The following RALGAPA1 variants were observed in gnomAD, a reference collection of about 807,000 sequenced individuals.
RALGAPA1 encodes the protein Ral GTPase activating protein catalytic subunit alpha 1.
Under a neutral mutation model 269.6 loss-of-function variants are expected in RALGAPA1, and 52 were observed. That is an observed-to-expected ratio of 0.19 (90% confidence interval 0.15 to 0.24). RALGAPA1 has a LOEUF of 0.24. Ranked by LOEUF, RALGAPA1 falls within the 10% of genes least tolerant of loss-of-function variation. The pLI is 1.00. For missense variants in RALGAPA1, 1,917 were observed against 3,013.9 expected (o/e 0.64, Z 8.52); for synonymous variants, 817 against 1,008.3 (o/e 0.81, Z 3.60).
At chr14:35,686,394 T>C in intron 19 of RALGAPA1, 148 bp downstream of exon 19, 1 of 567,850 alleles carries the variant, frequency 1.8e-6, no homozygotes, top group Non-Finnish European at 2.7e-6. Flanking sequence ...AATTCAAAAA[T>C]CTTAATTCAT....
At chr14:35,585,661 T>C (rs951565341) in intron 37 of RALGAPA1, among the ~76,000 whole-genome samples, 3 of 152,364 alleles carry the variant, frequency 2.0e-5, no homozygotes, top group Admixed American at 1.3e-4. Context: ...GTTTCAGCTT[T>C]CTACATATGG....
rs375837919 is a variant in RALGAPA1, at chr14:35,748,590, G to A, written c.1246C>T (p.Arg416Cys). 1.1e-5 allele frequency: 17 copies of A among 1,606,170 alleles called. No homozygotes were observed. Among genetic ancestry groups the A allele is most frequent in the Non-Finnish European group, 1.4e-5 (16 of 1,176,322 alleles). Residue 416 changes from arginine (R) to cysteine (C), a missense_variant, in exon 10 of 42, where the codon CGT (arginine) becomes TGT (cysteine). Transcript: ENST00000680220. ...AATACTGAGAGGTATGTTACCTGAC[G>A]AAATATCTCTGTCACAAAGTTTACA... ...SNVNFVTEIF[R>C]QAFLLPICEA...
chr14:35,540,979 G>T (rs1380361044), intron 41 of RALGAPA1, among the ~76,000 whole-genome samples: 1 of 151,512 alleles, frequency 6.6e-6, no homozygotes, highest in African/African-American at 2.4e-5. Flanking sequence ...GTTCAGTAAG[G>T]GGTGAAGATC....
chr14:35,588,652 G>A (rs1437769943), intron 37 of RALGAPA1, among the ~76,000 whole-genome samples: 1 of 152,156 alleles, frequency 6.6e-6, no homozygotes, highest in African/African-American at 2.4e-5. Context: ...CATAGGTAGT[G>A]GGAATTTAAA....
At chr14:35,686,252 CA>C (rs1317148036) in intron 19 of RALGAPA1, among the ~76,000 whole-genome samples, 14 of 151,242 alleles carry the variant, frequency 9.3e-5, no homozygotes, top group Admixed American at 2.6e-4. Context: ...CGAGCAAAGA[CA>C]AAAAAAGGGG....
intron 16 of RALGAPA1, among the ~76,000 whole-genome samples, chr14:35,705,787 C>T (rs1386509285): frequency 6.6e-6 from 1 of 152,152 alleles, no homozygotes; most frequent in Non-Finnish European, 1.5e-5. Context: ...AGTGAGAGTT[C>T]CCATTGCTAC....
chr14:35,705,616 C>T (rs2067736957), intron 16 of RALGAPA1, among the ~76,000 whole-genome samples: 1 of 152,062 alleles, frequency 6.6e-6, no homozygotes, highest in Non-Finnish European at 1.5e-5. Flanking sequence ...ACTAAAGCTG[C>T]TATAAATATT....
Position 35,608,840 on chromosome 14 carries a change from GA to G in RALGAPA1, c.6930-3132del, listed in dbSNP as rs1446996643. Among the ~76,000 whole-genome samples the G allele has an allele frequency of 5.3e-5, 8 of 152,186 alleles. No homozygotes were observed. In the East Asian group the frequency reaches 1.5e-3, roughly 29 times the overall value. On this transcript the variant is annotated intron_variant, in intron 35 of 41. Transcript: ENST00000680220. Reference sequence around the variant, plus strand: ...GACTTGAACAATAATATGACAACCGGACCTACCTGACATCTACAGAATACTC... The same window carrying G: ...GACTTGAACAATAATATGACAACCGGCCTACCTGACATCTACAGAATACTC...
intron 38 of RALGAPA1, 79 bp downstream of exon 38, chr14:35,572,481 T>C: frequency 2.6e-6 from 3 of 1,156,726 alleles, no homozygotes; most frequent in South Asian, 3.4e-5. Context: ...CCAAATTTTA[T>C]TCTGTAACAT....
At chr14:35,593,718 C>T (rs945953654) in intron 37 of RALGAPA1, among the ~76,000 whole-genome samples, 3 of 151,874 alleles carry the variant, frequency 2.0e-5, no homozygotes, top group Admixed American at 6.6e-5. Flanking sequence ...AATTAGTCAG[C>T]GTGGTGGCGA....
rs1242189908 is a variant in RALGAPA1 at position 35,721,765 on chromosome 14, A to G, written c.2189T>C (p.Met730Thr). 6.2e-7 allele frequency: 1 copy of G among 1,612,954 alleles called. No homozygotes were observed. The highest frequency in any genetic ancestry group is 1.3e-5 in the African/African-American group (1 of 74,854). ...WSRDQPGQAPMRQRSATTTGS... is the reference protein window; with the variant it reads ...WSRDQPGQAPTRQRSATTTGS... ...AGTGGTTGTTGCACTCCTCTGTCTC[A>G]TTGGGGCTTGGCCAGGCTGATCACG... is the stretch of plus-strand genomic sequence containing the variant. The change falls in exon 16 of 42, where the codon ATG becomes ACG. Residue 730 changes from methionine to threonine, a missense_variant. Coordinates refer to ENST00000680220, the MANE Select transcript of RALGAPA1 (RefSeq NM_001346249.2).
rs548235893 is a variant in RALGAPA1 at position 35,749,464 on chromosome 14, T to C, written c.1012-640A>G. ...AGGTGGTGATAAGCAAATTACTATA[T>C]GGTAAAAGTAGCACTATTCTGTGGT... On this transcript the variant is annotated intron_variant, in intron 9 of 41. Transcript: ENST00000680220. Among the ~76,000 whole-genome samples the C allele has an allele frequency of 4.6e-5, 7 of 152,314 alleles. No individual in the cohort carries two copies. In the East Asian group the frequency reaches 1.2e-3, roughly 25 times the overall value.
At chr14:35,778,175 C>T (rs1438614483) in intron 1 of RALGAPA1, among the ~76,000 whole-genome samples, 1 of 152,038 alleles carries the variant, frequency 6.6e-6, no homozygotes, top group Non-Finnish European at 1.5e-5. Flanking sequence ...ATCCTCCCAC[C>T]TCAGCCTCCA....
Position 35,775,189 on chromosome 14 carries a change from T to C in RALGAPA1, c.218-134A>G, listed in dbSNP as rs141801997. The C allele has an allele frequency of 2.8e-3, 1,736 of 611,246 alleles. 29 individuals carry two copies. Among genetic ancestry groups the C allele is most frequent in the Middle Eastern group, 6.4e-3 (15 of 2,326 alleles). The allele number at this position is 611,246 out of a possible 1,614,324, so 37.9% of individuals were successfully genotyped here. A position where few individuals can be genotyped will look rare whatever the true frequency, so the allele number is the denominator to read the frequency against. ...AAATGTTTAAAGCATATTCCATTCA[T>C]TGTGTAGACAATATCACAGTCACTC... On this transcript the variant is annotated intron_variant, in intron 2 of 41. Coordinates refer to ENST00000680220, the MANE Select transcript of RALGAPA1 (RefSeq NM_001346249.2).
At chr14:35,803,448 TA>T (rs879267639) in intron 1 of RALGAPA1, among the ~76,000 whole-genome samples, 42 of 151,514 alleles carry the variant, frequency 2.8e-4, no homozygotes, top group South Asian at 8.3e-4. Context: ...AGATACAAAA[TA>T]AAAAAAATAA....
intron 4 of RALGAPA1, chr14:35,765,884 T>C: frequency 1.1e-6 from 1 of 948,040 alleles, no homozygotes; most frequent in Non-Finnish European, 1.7e-6. Flanking sequence ...GCTCTACTAA[T>C]GGAAAAACAA....
At chr14:35,801,965 G>A (rs2077007960) in intron 1 of RALGAPA1, among the ~76,000 whole-genome samples, 1 of 152,224 alleles carries the variant, frequency 6.6e-6, no homozygotes, top group Non-Finnish European at 1.5e-5. Context: ...AAGTAAAACT[G>A]TATTTGCAGA....
intron 39 of RALGAPA1, among the ~76,000 whole-genome samples, chr14:35,555,777 T>C (rs1011277643): frequency 2.0e-5 from 3 of 152,196 alleles, no homozygotes; most frequent in Non-Finnish European, 4.4e-5. Context: ...TGCTGATGGA[T>C]AGAGCTGGGA....
chr14:35,713,891 T>C (rs2068579304), intron 16 of RALGAPA1, among the ~76,000 whole-genome samples: 2 of 151,988 alleles, frequency 1.3e-5, no homozygotes, highest in Admixed American at 6.6e-5. Flanking sequence ...AGGCCAGGAG[T>C]TCGAGACCAG....
Sources: allele counts gnomAD v4.1 joint callset (sites outside exome capture counted in the v4.1 genomes callset), GRCh38; gene constraint gnomAD v4.1.1; transcripts MANE v1.5; gene names NCBI Gene and HGNC (gene_info 2026-07-23, HGNC 2026-07-21).